Variants in MAML3 observed in about 807,000 individuals in gnomAD.
The protein encoded by MAML3 is mastermind like transcriptional coactivator 3, also known as mastermind-like protein 3.
Under a neutral mutation model 101.9 loss-of-function variants are expected in MAML3, and 27 were observed. That is an observed-to-expected ratio of 0.27 (90% CI 0.20 to 0.37). MAML3 has a LOEUF of 0.37. Among genes scored for constraint, MAML3 ranks in the 10% least tolerant of loss-of-function variants. The pLI, the probability that MAML3 is intolerant of heterozygous loss-of-function variation, is 1.00. For missense variants in MAML3, 1,316 were observed against 1,444.9 expected (o/e 0.91, Z 1.45); for synonymous variants, 501 against 555.9 (o/e 0.90, Z 1.39).
intron 1 of MAML3, among the ~76,000 whole-genome samples, chr4:140,067,311 A>G (rs62345591): frequency 2.6e-3 from 391 of 152,304 alleles, no homozygotes; most frequent in Non-Finnish European, 4.7e-3. Flanking sequence ...AATTTACTCT[A>G]CTGCTCAGGG....
intron 1 of MAML3, among the ~76,000 whole-genome samples, chr4:139,968,181 T>C (rs866506606): frequency 1.3e-5 from 2 of 151,112 alleles, no homozygotes; most frequent in African/African-American, 4.8e-5. Flanking sequence ...TCAGGAGGCT[T>C]TATACAATGA....
At chr4:139,722,316 A>G (rs560724490) in intron 4 of MAML3, among the ~76,000 whole-genome samples, 1 of 152,112 alleles carries the variant, frequency 6.6e-6, no homozygotes, top group Non-Finnish European at 1.5e-5. Flanking sequence ...ATTCTTTTTC[A>G]CCTAAGGGAA....
chr4:139,837,135 AAAAAG>A (rs1385030555), intron 2 of MAML3, among the ~76,000 whole-genome samples: 4 of 150,526 alleles, frequency 2.7e-5, no homozygotes, highest in Admixed American at 6.6e-5. Flanking sequence ...AAAAAAAAAA[AAAAAG>A]AAAAGAAAAG....
intron 2 of MAML3, among the ~76,000 whole-genome samples, chr4:139,833,009 A>G (rs1731195033): frequency 6.6e-6 from 1 of 152,252 alleles, no homozygotes; most frequent in African/African-American, 2.4e-5. Flanking sequence ...ATCATCCACT[A>G]ATAAGTGCAA....
chr4:140,046,789 A>C (rs1727189340), intron 1 of MAML3, among the ~76,000 whole-genome samples: 1 of 151,796 alleles, frequency 6.6e-6, no homozygotes, highest in South Asian at 2.1e-4. Context: ...TGGGTCGCAA[A>C]GGGCAGGGGG....
At chr4:140,024,224 T>C (rs936622243) in intron 1 of MAML3, among the ~76,000 whole-genome samples, 2 of 151,520 alleles carry the variant, frequency 1.3e-5, no homozygotes, top group Non-Finnish European at 2.9e-5. Context: ...GATGGATTGA[T>C]TGATTTTTTT....
intron 1 of MAML3, among the ~76,000 whole-genome samples, chr4:139,931,003 G>C (rs1289539639): frequency 6.6e-6 from 1 of 152,100 alleles, no homozygotes; most frequent in Admixed American, 6.5e-5. Context: ...CAGATGTGGG[G>C]GAGAAGAATT....
chr4:139,825,068 C>G (rs1040763799), intron 2 of MAML3, among the ~76,000 whole-genome samples: 1 of 152,154 alleles, frequency 6.6e-6, no homozygotes, highest in Admixed American at 6.5e-5. Context: ...CGCCACCCCT[C>G]TCTTTTGGTG....
At chr4:139,883,720 G>A (rs1023243989) in intron 2 of MAML3, among the ~76,000 whole-genome samples, 2 of 152,012 alleles carry the variant, frequency 1.3e-5, no homozygotes, top group African/African-American at 4.8e-5. Flanking sequence ...AGAGTGGCGT[G>A]GGTGAGGCAG....
At chr4:139,829,794 T>C (rs1731129644) in intron 2 of MAML3, among the ~76,000 whole-genome samples, 2 of 152,252 alleles carry the variant, frequency 1.3e-5, no homozygotes, top group African/African-American at 4.8e-5. Context: ...AAACAAGTTT[T>C]GCTAATTTTT....
chr4:140,108,347 G>A (rs1196479223), intron 1 of MAML3, among the ~76,000 whole-genome samples: 2 of 151,766 alleles, frequency 1.3e-5, no homozygotes, highest in Non-Finnish European at 2.9e-5. Context: ...TGGCACTTAA[G>A]CTGCACTGTC....
intron 1 of MAML3, among the ~76,000 whole-genome samples, chr4:139,900,257 A>G (rs1303731958): frequency 2.0e-5 from 3 of 152,226 alleles, no homozygotes; most frequent in Admixed American, 2.0e-4. Flanking sequence ...TTCCAGCTGT[A>G]AGTGCTAAAG....
chr4:139,854,043 G>T (rs1053355560), intron 2 of MAML3, among the ~76,000 whole-genome samples: 4 of 151,754 alleles, frequency 2.6e-5, no homozygotes, highest in African/African-American at 9.7e-5. Context: ...GGCTGGTCTC[G>T]AACTCCTGGT....
At chr4:139,761,148 T>A (rs1403414503) in intron 2 of MAML3, among the ~76,000 whole-genome samples, 1 of 152,092 alleles carries the variant, frequency 6.6e-6, no homozygotes, top group Non-Finnish European at 1.5e-5. Flanking sequence ...TTAGTAGAGA[T>A]GGGGTTTCAC....
intron 1 of MAML3, among the ~76,000 whole-genome samples, chr4:139,977,923 T>G (rs1455383903): frequency 6.6e-6 from 1 of 151,670 alleles, no homozygotes; most frequent in Non-Finnish European, 1.5e-5. Flanking sequence ...GGATCTTCTA[T>G]GCTCTTTTCT....
At chr4:140,040,394 T>C (rs910331041) in intron 1 of MAML3, among the ~76,000 whole-genome samples, 2 of 152,212 alleles carry the variant, frequency 1.3e-5, no homozygotes, top group African/African-American at 4.8e-5. Flanking sequence ...TCAAAAATTA[T>C]GTGGGATTCA....
intron 2 of MAML3, among the ~76,000 whole-genome samples, chr4:139,737,855 A>G (rs1473218062): frequency 6.6e-6 from 1 of 152,240 alleles, no homozygotes; most frequent in Non-Finnish European, 1.5e-5. Context: ...CCTCTGTCTC[A>G]GCAGATTATT....
At chr4:139,738,364 T>C (rs1381637435) in intron 2 of MAML3, among the ~76,000 whole-genome samples, 1 of 152,136 alleles carries the variant, frequency 6.6e-6, no homozygotes, top group East Asian at 1.9e-4. Flanking sequence ...GCCAACATGG[T>C]GAAACCCCAT....
intron 2 of MAML3, among the ~76,000 whole-genome samples, chr4:139,850,409 T>C (rs1216393253): frequency 1.3e-5 from 2 of 152,180 alleles, no homozygotes; most frequent in Non-Finnish European, 1.5e-5. Context: ...TTAGTGCCCC[T>C]TTTCACTCTC....
Sources: gnomAD v4.1 joint callset for allele counts (sites outside exome capture counted in the v4.1 genomes callset) on GRCh38, gnomAD v4.1.1 for gene constraint, MANE v1.5 for transcripts, NCBI Gene and HGNC (gene_info 2026-07-23, HGNC 2026-07-21) for gene names.